DCUN1D4: variants seen among roughly 807,000 people sequenced by gnomAD.
The protein encoded by DCUN1D4 is DCN1-like protein 4.
A neutral mutation model predicts 47.9 loss-of-function variants in DCUN1D4; 22 were observed. That is an observed-to-expected ratio of 0.46 (90% CI 0.33 to 0.66). The LOEUF (loss-of-function observed/expected upper bound fraction) is 0.66. Among genes scored for constraint, DCUN1D4 ranks in the 30% least tolerant of loss-of-function variants. The probability of loss-of-function intolerance (pLI) is 0.02; values close to 1 mark genes in which losing one functional copy is unlikely to be tolerated. For missense variants in DCUN1D4, 301 were observed against 340.8 expected, an observed-to-expected ratio of 0.88 and a Z score of 0.92; for synonymous variants, 121 against 112.2, an observed-to-expected ratio of 1.08 and a Z score of -0.50.
At chr4:51,869,906 C>A (rs1381861427) in intron 3 of DCUN1D4, among the ~76,000 whole-genome samples, 2 of 152,174 alleles carry the variant, frequency 1.3e-5, no homozygotes, top group African/African-American at 4.8e-5. Context: ...TCTTGAAACA[C>A]TGAACCCAAA....
intron 3 of DCUN1D4, among the ~76,000 whole-genome samples, chr4:51,866,375 A>ATGG (rs1553919709): frequency 6.7e-6 from 1 of 149,980 alleles, no homozygotes; most frequent in Non-Finnish European, 1.5e-5. Flanking sequence ...TAACCAAATT[A>ATGG]TGGTGATGAT....
chr4:51,859,656 A>AAG (rs1272271948), intron 1 of DCUN1D4, among the ~76,000 whole-genome samples: 30 of 150,656 alleles, frequency 2.0e-4, no homozygotes, highest in Non-Finnish European at 4.0e-4. Flanking sequence ...AAAAAAAAAA[A>AAG]AAAAAAAAAC....
intron 7 of DCUN1D4, among the ~76,000 whole-genome samples, chr4:51,894,412 AT>A (rs892170972): frequency 2.1e-5 from 3 of 140,284 alleles, no homozygotes; most frequent in Non-Finnish European, 4.6e-5. Flanking sequence ...TAGATTAGTC[AT>A]TTGTTTGGCA....
chr4:51,853,748 G>T (rs1723708535), intron 1 of DCUN1D4, among the ~76,000 whole-genome samples: 1 of 152,172 alleles, frequency 6.6e-6, no homozygotes, highest in Non-Finnish European at 1.5e-5. Flanking sequence ...TGTAGCCAAT[G>T]GTTTCATTTA....
At chr4:51,859,572 A>AC (rs1208926195) in intron 1 of DCUN1D4, among the ~76,000 whole-genome samples, 1 of 119,738 alleles carries the variant, frequency 8.4e-6, no homozygotes, top group African/African-American at 3.2e-5. Flanking sequence ...ATGGACTTTG[A>AC]CCCCCTCAAT....
intron 9 of DCUN1D4, among the ~76,000 whole-genome samples, chr4:51,912,297 AG>A (rs892756193): frequency 6.6e-6 from 1 of 152,178 alleles, no homozygotes; most frequent in African/African-American, 2.4e-5. Context: ...CCTGGCCTGG[AG>A]GAAATCTGAC....
At chr4:51,882,701 A>C (rs1728858117) in intron 5 of DCUN1D4, among the ~76,000 whole-genome samples, 1 of 152,172 alleles carries the variant, frequency 6.6e-6, no homozygotes, top group South Asian at 2.1e-4. Flanking sequence ...CGGCAGGCAG[A>C]GCTTGCAGTG....
At chr4:51,844,598 G>T (rs1296492967) in intron 1 of DCUN1D4, among the ~76,000 whole-genome samples, 1 of 151,958 alleles carries the variant, frequency 6.6e-6, no homozygotes, top group Non-Finnish European at 1.5e-5. Context: ...TGGCTATCAG[G>T]TGTGGGGGTT....
In DCUN1D4 at chr4:51,916,755, A is replaced by C. The variant is rs1734362871; in HGVS notation, c.*3171A>C. 6.6e-6 allele frequency: 1 copy of C among 152,592 alleles called. No individual in the cohort carries two copies. Among genetic ancestry groups the C allele is most frequent in the Admixed American group, 6.6e-5 (1 of 15,262 alleles). 9.5% of individuals were successfully genotyped at this position (152,592 alleles called of 1,614,324 possible). ...TACTGTTATGCCACCTAACTTGAGT[A>C]CAGCAAACTGGTTTTAGGTTTCAAT... is the stretch of plus-strand genomic sequence containing the variant. On this transcript the variant is annotated 3_prime_UTR_variant, in exon 11 of 11. Coordinates refer to ENST00000334635, the MANE Select transcript of DCUN1D4 (RefSeq NM_001040402.3).
intron 8 of DCUN1D4, among the ~76,000 whole-genome samples, chr4:51,902,162 T>A (rs933050085): frequency 6.6e-6 from 1 of 152,216 alleles, no homozygotes; most frequent in Non-Finnish European, 1.5e-5. Flanking sequence ...CCCTGTATAA[T>A]TTTTATCTAT....
the DCUN1D4 span, among the ~76,000 whole-genome samples, chr4:51,836,796 A>C: frequency 6.6e-6 from 1 of 150,936 alleles, no homozygotes; most frequent in African/African-American, 2.4e-5. Flanking sequence ...TTCCCCATCC[A>C]CTCTCCCAGA....
chr4:51,893,512 G>A (rs976250075), intron 7 of DCUN1D4, among the ~76,000 whole-genome samples: 3 of 151,780 alleles, frequency 2.0e-5, no homozygotes, highest in Non-Finnish European at 4.4e-5. Context: ...AGCAACCTCC[G>A]CCTCCCGGGT....
intron 8 of DCUN1D4, among the ~76,000 whole-genome samples, chr4:51,901,478 C>T (rs1347778330): frequency 1.3e-5 from 2 of 152,218 alleles, no homozygotes; most frequent in East Asian, 1.9e-4. Flanking sequence ...ATTGCACTAA[C>T]GGTTGCTCAC....
In DCUN1D4 at chr4:51,886,790, T is replaced by G. The variant is rs1729542920; in HGVS notation, c.414+152T>G. On this transcript the variant is annotated intron_variant, in intron 6 of 10. Coordinates refer to ENST00000334635, the MANE Select transcript of DCUN1D4 (RefSeq NM_001040402.3). ...AATAAGTTCTAATTCTAGTTTGACT[T>G]ATAAGCAGATTCTCCATTCTTGTAA... 3 of 633,874 alleles carry G rather than the reference T, an allele frequency of 4.7e-6. No homozygotes were observed. The Admixed American group carries it at 8.7e-5, about 18-fold the overall frequency. The allele number at this position is 633,874 out of a possible 1,614,324, so 39.3% of individuals were successfully genotyped here.
intron 5 of DCUN1D4, among the ~76,000 whole-genome samples, chr4:51,885,517 G>T (rs1015223966): frequency 7.0e-6 from 1 of 143,678 alleles, no homozygotes; most frequent in African/African-American, 2.9e-5. Context: ...AATGTGAAAT[G>T]CGGGAGGAGT....
intron 7 of DCUN1D4, among the ~76,000 whole-genome samples, chr4:51,896,891 G>A (rs574263553): frequency 6.6e-6 from 1 of 152,232 alleles, no homozygotes; most frequent in Non-Finnish European, 1.5e-5. Flanking sequence ...AACCCTCACT[G>A]TGGACTACAA....
intron 7 of DCUN1D4, among the ~76,000 whole-genome samples, chr4:51,897,745 G>T (rs766586511): frequency 1.3e-5 from 2 of 152,212 alleles, no homozygotes; most frequent in Non-Finnish European, 2.9e-5. Context: ...GCAAGGAAAT[G>T]CTCAGAGACT....
intron 1 of DCUN1D4, among the ~76,000 whole-genome samples, chr4:51,862,201 A>G (rs1725179649): frequency 6.6e-6 from 1 of 152,222 alleles, no homozygotes; most frequent in Non-Finnish European, 1.5e-5. Flanking sequence ...GTGCATATGC[A>G]CATGTATGTA....
At chr4:51,869,187 T>C (rs1224454150) in intron 3 of DCUN1D4, among the ~76,000 whole-genome samples, 1 of 81,712 alleles carries the variant, frequency 1.2e-5, no homozygotes, top group South Asian at 3.8e-4. Flanking sequence ...TAAAAAAAAA[T>C]GAGTAGGGAT....
Sources: allele counts gnomAD v4.1 joint callset (sites outside exome capture counted in the v4.1 genomes callset), GRCh38; gene constraint gnomAD v4.1.1; transcripts MANE v1.5; gene names NCBI Gene and HGNC (gene_info 2026-07-23, HGNC 2026-07-21).